MACROD2: variants seen among roughly 807,000 people sequenced by gnomAD.
MACROD2 encodes the protein mono-ADP ribosylhydrolase 2, also known as ADP-ribose glycohydrolase MACROD2.
A neutral mutation model predicts 70.4 loss-of-function variants in MACROD2; 36 were observed. That is an observed-to-expected ratio of 0.51 (90% CI 0.39 to 0.68). The LOEUF (loss-of-function observed/expected upper bound fraction) is 0.68, where lower values mean the gene tolerates loss of function less well. Ranked by LOEUF, MACROD2 falls within the 30% of genes least tolerant of loss-of-function variation. The pLI is 0.00. For synonymous variants in MACROD2, 172 were observed against 178.8 expected, an observed-to-expected ratio of 0.96 and a Z score of 0.30; for missense variants, 496 against 538.4, an observed-to-expected ratio of 0.92 and a Z score of 0.78.
At chr20:15,846,828 C>T (rs175811) in intron 8 of MACROD2, among the ~76,000 whole-genome samples, 109,397 of 150,582 alleles carry the variant, frequency 0.73, 40,685 homozygotes, top group South Asian at 0.92. Context: ...GCGAGACCCT[C>T]GGCATCAAGA....
intron 5 of MACROD2, chr20:14,906,170 G>A (rs955382650): frequency 6.6e-6 from 1 of 152,082 alleles, no homozygotes; most frequent in Admixed American, 6.6e-5. Flanking sequence ...TTACTTGTTA[G>A]AATTATAAAG....
chr20:15,751,728 T>C (rs1231342241), intron 8 of MACROD2, among the ~76,000 whole-genome samples: 1 of 151,910 alleles, frequency 6.6e-6, no homozygotes, highest in Non-Finnish European at 1.5e-5. Context: ...AAGCCTCTTC[T>C]TGGTTCAGAA....
At chr20:15,491,203 T>C (rs2047227236) in intron 7 of MACROD2, among the ~76,000 whole-genome samples, 1 of 152,162 alleles carries the variant, frequency 6.6e-6, no homozygotes, top group Admixed American at 6.5e-5. Flanking sequence ...CTAGATGACC[T>C]TTATACTCCC....
At chr20:15,807,254 G>A (rs1218205675) in intron 8 of MACROD2, among the ~76,000 whole-genome samples, 1 of 152,200 alleles carries the variant, frequency 6.6e-6, no homozygotes, top group East Asian at 1.9e-4. Flanking sequence ...CAGGCAGGTG[G>A]ATGAAGTTGG....
chr20:14,052,195 TTCTG>T (rs1233999245), intron 2 of MACROD2, among the ~76,000 whole-genome samples: 2 of 152,096 alleles, frequency 1.3e-5, no homozygotes, highest in Non-Finnish European at 2.9e-5. Flanking sequence ...ATTAGTGTCT[TTCTG>T]TCTTTTTTCT....
intron 3 of MACROD2, among the ~76,000 whole-genome samples, chr20:14,170,923 ATTC>A (rs2081215025): frequency 1.3e-5 from 2 of 152,272 alleles, no homozygotes; most frequent in African/African-American, 4.8e-5. Flanking sequence ...ATTGGTATCA[ATTC>A]TTCTTTGAAT....
intron 15 of MACROD2, among the ~76,000 whole-genome samples, chr20:16,022,275 TCTC>T (rs2067013914): frequency 6.6e-6 from 1 of 152,124 alleles, no homozygotes; most frequent in Admixed American, 6.6e-5. Flanking sequence ...ATGGTCTCGA[TCTC>T]CTGACATTGT....
chr20:14,791,215 T>A (rs1417645794), intron 5 of MACROD2, among the ~76,000 whole-genome samples: 2 of 152,120 alleles, frequency 1.3e-5, no homozygotes, highest in Non-Finnish European at 2.9e-5. Flanking sequence ...TATACTATGT[T>A]GAATCATGCA....
intron 15 of MACROD2, among the ~76,000 whole-genome samples, chr20:16,007,996 T>G (rs954467179): frequency 2.0e-5 from 3 of 152,230 alleles, no homozygotes; most frequent in African/African-American, 7.2e-5. Flanking sequence ...CCTTCCCAGC[T>G]GATGCTGTGG....
At chr20:14,106,558 G>A (rs1029797399) in intron 3 of MACROD2, among the ~76,000 whole-genome samples, 4 of 152,294 alleles carry the variant, frequency 2.6e-5, no homozygotes, top group Admixed American at 2.0e-4. Context: ...GCTGATTGTA[G>A]AGTACTAGGG....
At chr20:15,686,584 A>G (rs2050227593) in intron 8 of MACROD2, among the ~76,000 whole-genome samples, 1 of 152,136 alleles carries the variant, frequency 6.6e-6, no homozygotes, top group Non-Finnish European at 1.5e-5. Context: ...ATAAAATACA[A>G]TTTGTTGGCC....
chr20:14,659,730 A>C (rs1270335517), intron 4 of MACROD2, among the ~76,000 whole-genome samples: 2 of 152,118 alleles, frequency 1.3e-5, no homozygotes, highest in Non-Finnish European at 2.9e-5. Context: ...CCCTTTTGGG[A>C]GTGTACTCAT....
At position 15,773,011 on chromosome 20, in the gene MACROD2, G is replaced by A. The variant is rs114247307; in HGVS notation, c.646-89734G>A. Among the ~76,000 whole-genome samples the A allele has an allele frequency of 7.8e-3, 1,187 of 152,212 alleles. 15 individuals carry two copies. The highest frequency in any genetic ancestry group is 0.026 in the African/African-American group (1,085 of 41,544). On this transcript the variant is annotated intron_variant, in intron 8 of 17. Transcript: ENST00000684519. ...AGATTTGGGTGGGGATACAGAGACA[G>A]ACCATATCAGTGGTATTTCAAAATA...
At chr20:15,980,938 C>T (rs1398408159) in intron 13 of MACROD2, among the ~76,000 whole-genome samples, 1 of 152,150 alleles carries the variant, frequency 6.6e-6, no homozygotes, top group Non-Finnish European at 1.5e-5. Context: ...GTCCAGTATT[C>T]CTATGAGCCA....
intron 3 of MACROD2, among the ~76,000 whole-genome samples, chr20:14,490,983 G>A (rs879560166): frequency 6.6e-5 from 10 of 152,052 alleles, no homozygotes; most frequent in Admixed American, 1.3e-4. Context: ...CTCAGACCTT[G>A]CCTTTAAGAA....
chr20:15,507,054 C>T (rs954316084), intron 8 of MACROD2, among the ~76,000 whole-genome samples: 3 of 152,174 alleles, frequency 2.0e-5, no homozygotes, highest in African/African-American at 7.2e-5. Flanking sequence ...AAAAACGTAT[C>T]CTTTGAGTAG....
chr20:14,162,489 A>G (rs1479462207), intron 3 of MACROD2, among the ~76,000 whole-genome samples: 1 of 152,070 alleles, frequency 6.6e-6, no homozygotes, highest in Non-Finnish European at 1.5e-5. Context: ...TATTATACTG[A>G]AGTCTTTCTC....
chr20:15,270,081 A>G (rs1325601273), intron 6 of MACROD2, among the ~76,000 whole-genome samples: 1 of 151,508 alleles, frequency 6.6e-6, no homozygotes, highest in African/African-American at 2.4e-5. Flanking sequence ...GATCATCAGC[A>G]TGTAGAACCC....
intron 4 of MACROD2, among the ~76,000 whole-genome samples, chr20:14,528,132 GGA>G (rs1414252274): frequency 7.1e-6 from 1 of 140,476 alleles, no homozygotes; most frequent in African/African-American, 2.6e-5. Flanking sequence ...TTTTTGAGAT[GGA>G]GTTTCACCCT....
Sources: gnomAD v4.1 joint callset for allele counts (sites outside exome capture counted in the v4.1 genomes callset) on GRCh38, gnomAD v4.1.1 for gene constraint, MANE v1.5 for transcripts, NCBI Gene and HGNC (gene_info 2026-07-23, HGNC 2026-07-21) for gene names.